The following ERMP1 variants were observed in gnomAD, a reference collection of about 807,000 sequenced individuals.
The protein encoded by ERMP1 is Felix-ina.
ERMP1 carries 86 observed loss-of-function variants against 92.0 expected under a neutral mutation model. The ratio of observed to expected loss-of-function variants is 0.93; its 90% CI spans 0.79 to 1.12. ERMP1 has a LOEUF of 1.12. Ranked by LOEUF, ERMP1 falls within the 50% of genes most tolerant of loss-of-function variation. ERMP1 has a pLI of 0.00. For synonymous variants in ERMP1, 530 were observed against 412.8 expected, an observed-to-expected ratio of 1.28 and a Z score of -3.44; for missense variants, 1,342 against 1,116.3, an observed-to-expected ratio of 1.20 and a Z score of -2.88.
Position 5,812,995 on chromosome 9 carries a change from T to C in ERMP1, c.915A>G (p.Ala305=). The C allele has an allele frequency of 1.2e-6, 2 of 1,614,078 alleles. No homozygotes were observed. The highest frequency in any genetic ancestry group is 8.5e-7 in the Non-Finnish European group (1 of 1,179,944). ...NPWLVQAYVS[A]AKHPFASVVA... Reference sequence around the variant, plus strand: ...CCACAGAAGCAAAAGGGTGTTTAGCTGCTGAAACATAAGCTTGAACCAACC... The same window carrying C: ...CCACAGAAGCAAAAGGGTGTTTAGCCGCTGAAACATAAGCTTGAACCAACC... Residue 305 remains alanine (A), a synonymous_variant, in exon 5 of 15, where the codon GCA becomes GCG. Transcript: ENST00000339450.
chr9:5,858,079 A>G (rs113524937), intron 6 of ERMP1, among the ~76,000 whole-genome samples: 6 of 152,300 alleles, frequency 3.9e-5, no homozygotes, highest in African/African-American at 1.4e-4. Flanking sequence ...GAAAGACCTC[A>G]TTGAAGGAAG....
In ERMP1 at chr9:5,810,241, A is replaced by G. The variant is rs1247255942; in HGVS notation, c.1328-10T>C. 2 of 1,605,888 alleles carry G rather than the reference A, an allele frequency of 1.2e-6. No individual in the cohort carries two copies. Among genetic ancestry groups the G allele is most frequent in the Admixed American group, 3.3e-5 (2 of 59,924 alleles). On this transcript the variant is annotated splice_polypyrimidine_tract_variant and intron_variant, in intron 7 of 14. Transcript: ENST00000339450. Reference sequence around the variant, plus strand: ...TTCTTGTAGTTACCAGCTAATGAAGAGAAAACAAAAAGTTGAAATCACCAT... The same window carrying G: ...TTCTTGTAGTTACCAGCTAATGAAGGGAAAACAAAAAGTTGAAATCACCAT...
At chr9:5,813,171 T>G (rs1829172418) in intron 4 of ERMP1, 136 bp from the exon 5 acceptor site, 1 of 776,706 alleles carries the variant, frequency 1.3e-6, no homozygotes, top group African/African-American at 1.8e-5. Context: ...TTCATCCCTT[T>G]TTCTGTAGTT....
intron 8 of ERMP1, among the ~76,000 whole-genome samples, chr9:5,808,968 C>G (rs1828978811): frequency 6.6e-6 from 1 of 152,124 alleles, no homozygotes. Context: ...GATCCGCCTG[C>G]CCAGCCTCCC....
intron 5 of ERMP1, among the ~76,000 whole-genome samples, chr9:5,863,629 T>C (rs566376941): frequency 9.3e-4 from 141 of 152,288 alleles, no homozygotes; most frequent in African/African-American, 3.3e-3. Context: ...TGATATACTA[T>C]GTAAGGATCA....
At chr9:5,837,742 T>A (rs1586833271), upstream of ERMP1, among the ~76,000 whole-genome samples, 1 of 152,310 alleles carries the variant, frequency 6.6e-6, no homozygotes, top group Non-Finnish European at 1.5e-5. Flanking sequence ...TAGAAAAACA[T>A]GTAAACCATT....
At chr9:5,818,186 G>C (rs1407693410) in intron 4 of ERMP1, among the ~76,000 whole-genome samples, 1 of 150,810 alleles carries the variant, frequency 6.6e-6, no homozygotes, top group Non-Finnish European at 1.5e-5. Context: ...AGTTATTCAA[G>C]ACTATGACTA....
chr9:5,861,062 G>A (rs1830471056), intron 5 of ERMP1, among the ~76,000 whole-genome samples: 1 of 151,976 alleles, frequency 6.6e-6, no homozygotes, highest in Admixed American at 6.6e-5. Context: ...GTGGTATTCT[G>A]TTATAGCCAC....
rs1211540608 is a variant in ERMP1, at chr9:5,812,914, G to C, written c.996C>G (p.Ile332Met). The change falls in exon 5 of 15, where the codon ATC (isoleucine) becomes ATG (methionine). Residue 332 changes from isoleucine to methionine, a missense_variant. Ile to Met is a conservative substitution (Grantham distance 10). Transcript: ENST00000339450. ...CTGGAATGTTCCCAAAATCCCTGTA[G>C]ATACGAAAGTCAGTATCTGAAGGAA... ...GIIPSDTDFR[I>M]YRDFGNIPGI... 1 of 1,613,852 alleles carries C rather than the reference G, an allele frequency of 6.2e-7. No homozygotes were observed. Among genetic ancestry groups the C allele is most frequent in the Non-Finnish European group, 8.5e-7 (1 of 1,179,902 alleles).
intron 6 of ERMP1, among the ~76,000 whole-genome samples, chr9:5,853,010 G>C (rs1207587931): frequency 6.6e-6 from 1 of 152,160 alleles, no homozygotes; most frequent in Non-Finnish European, 1.5e-5. Flanking sequence ...AGATTAACAG[G>C]GGAAAAAGCA....
At chr9:5,822,416 C>T (rs1249760868) in intron 4 of ERMP1, among the ~76,000 whole-genome samples, 1 of 152,092 alleles carries the variant, frequency 6.6e-6, no homozygotes, top group Non-Finnish European at 1.5e-5. Context: ...ACATCATGAC[C>T]TTGAGAATCT....
intron 3 of ERMP1, among the ~76,000 whole-genome samples, chr9:5,824,599 C>T (rs1017513014): frequency 6.6e-6 from 1 of 152,084 alleles, no homozygotes; most frequent in Non-Finnish European, 1.5e-5. Context: ...GACGGGGTTT[C>T]ACCATGTTGG....
At chr9:5,842,624 G>A (rs1221821946) in intron 6 of ERMP1, among the ~76,000 whole-genome samples, 5 of 152,166 alleles carry the variant, frequency 3.3e-5, no homozygotes, top group African/African-American at 9.7e-5. Context: ...ATTCACAGCT[G>A]ACTGTAGCAA....
At position 5,823,947 on chromosome 9, in the gene ERMP1, T is replaced by G. The variant is rs1166133707; in HGVS notation, c.823A>C (p.Ile275Leu). 1 of 1,614,186 alleles carries G rather than the reference T, an allele frequency of 6.2e-7. No homozygotes were observed. The highest frequency in any genetic ancestry group is 8.5e-7 in the Non-Finnish European group (1 of 1,180,016). The change falls in exon 4 of 15, where the codon ATT (isoleucine) becomes CTT (leucine). Residue 275 changes from isoleucine (I) to leucine (L), a missense_variant. Ile to Leu is a conservative substitution (Grantham distance 5). Transcript: ENST00000339450. ...HPWASLIRAF[I>L]NLEAAGVGGK... is the part of the protein sequence containing the mutation. ...CCTACACCTGCTGCCTCTAGGTTAA[T>G]GAATGCACGAATCAAGCTAGCCCAG...
At chr9:5,789,525 A>C (rs941152519) in intron 13 of ERMP1, among the ~76,000 whole-genome samples, 4 of 152,252 alleles carry the variant, frequency 2.6e-5, no homozygotes, top group African/African-American at 9.6e-5. Context: ...TCCAACCAAC[A>C]GATAACTGTA....
At chr9:5,812,099 T>A in intron 6 of ERMP1, 26 bp downstream of exon 6, 1 of 1,394,642 alleles carries the variant, frequency 7.2e-7, no homozygotes, top group Non-Finnish European at 1.0e-6. Context: ...TTAGTGTATA[T>A]CAAAAGTCTA....
chr9:5,832,653 G>A, intron 1 of ERMP1, 37 bp downstream of exon 1: 2 of 1,358,470 alleles, frequency 1.5e-6, no homozygotes, highest in African/African-American at 1.5e-5. Flanking sequence ...AGCCGCAAAC[G>A]GACGCGCGGG....
intron 7 of ERMP1, 100 bp downstream of exon 7, chr9:5,811,011 A>AT: frequency 1.4e-6 from 1 of 727,498 alleles, no homozygotes; most frequent in Non-Finnish European, 2.3e-6. Flanking sequence ...TTGTCTTAAG[A>AT]TTTTTAGCTT....
intron 4 of ERMP1, among the ~76,000 whole-genome samples, chr9:5,815,365 G>A (rs1046500775): frequency 1.3e-5 from 2 of 152,054 alleles, no homozygotes; most frequent in African/African-American, 4.8e-5. Flanking sequence ...AAAAAGACAT[G>A]TCAAAGGGGC....
Sources: gnomAD v4.1 joint callset for allele counts (sites outside exome capture counted in the v4.1 genomes callset) on GRCh38, gnomAD v4.1.1 for gene constraint, MANE v1.5 for transcripts, NCBI Gene and HGNC (gene_info 2026-07-23, HGNC 2026-07-21) for gene names.